UQCC6: variants seen among roughly 807,000 people sequenced by gnomAD.
The protein encoded by UQCC6 is protein BRAWNIN.
chr12:103,956,857 G>A, the UQCC6 span: 11 of 676,622 alleles, frequency 1.6e-5, no homozygotes, highest in East Asian at 8.3e-5. Flanking sequence ...GGCGGCGGGG[G>A]TGCAGGAGGA....
At chr12:103,956,853 G>A in the UQCC6 span, 8 of 697,124 alleles carry the variant, frequency 1.1e-5, no homozygotes, top group South Asian at 3.5e-5. Flanking sequence ...ACACGGCGGC[G>A]GGGGTGCAGG....
At chr12:103,952,952 T>G in the UQCC6 span, among the ~76,000 whole-genome samples, 2 of 152,174 alleles carry the variant, frequency 1.3e-5, no homozygotes, top group South Asian at 4.2e-4. Flanking sequence ...AGGTTGTCAG[T>G]ATAGCTGGTA....
At chr12:103,953,370 C>T in the UQCC6 span, 19 of 702,010 alleles carry the variant, frequency 2.7e-5, no homozygotes, top group Non-Finnish European at 3.9e-5. Context: ...ACAGAGTCAT[C>T]TCCTTTGCTA....
the UQCC6 span, among the ~76,000 whole-genome samples, chr12:103,959,990 G>C: frequency 1.3e-5 from 2 of 151,560 alleles, no homozygotes; most frequent in African/African-American, 4.8e-5. Context: ...GTCCAGGCTG[G>C]TCACAAATTC....
At chr12:103,962,969 A>C in the UQCC6 span, among the ~76,000 whole-genome samples, 1 of 152,230 alleles carries the variant, frequency 6.6e-6, no homozygotes, top group South Asian at 2.1e-4. Flanking sequence ...CTACCTTTGA[A>C]GCTTAGTTGA....
At chr12:103,960,987 C>T in the UQCC6 span, among the ~76,000 whole-genome samples, 2 of 151,888 alleles carry the variant, frequency 1.3e-5, no homozygotes, top group Admixed American at 6.6e-5. Flanking sequence ...AAAACAGCCT[C>T]GGCCGGATCC....
chr12:103,959,440 C>A, the UQCC6 span, among the ~76,000 whole-genome samples: 29 of 152,248 alleles, frequency 1.9e-4, no homozygotes, highest in African/African-American at 6.5e-4. Context: ...AGGCCGGGTG[C>A]AGTGGCTCAT....
At chr12:103,950,631 G>A in the UQCC6 span, 1 of 152,192 alleles carries the variant, frequency 6.6e-6, no homozygotes, top group Non-Finnish European at 1.5e-5. Context: ...GCATTTCCAT[G>A]ACCACTACAA....
At chr12:103,957,454 G>A in the UQCC6 span, among the ~76,000 whole-genome samples, 1 of 151,964 alleles carries the variant, frequency 6.6e-6, no homozygotes, top group Non-Finnish European at 1.5e-5. Flanking sequence ...TTGTTCTTTC[G>A]TGCACACAAA....
chr12:103,958,301 G>C, the UQCC6 span, among the ~76,000 whole-genome samples: 1 of 151,396 alleles, frequency 6.6e-6, no homozygotes, highest in Non-Finnish European at 1.5e-5. Flanking sequence ...TATTTGTAAA[G>C]AGTCTTATGG....
the UQCC6 span, among the ~76,000 whole-genome samples, chr12:103,963,097 A>G: frequency 2.1e-5 from 3 of 142,756 alleles, no homozygotes; most frequent in Non-Finnish European, 3.0e-5. Flanking sequence ...TTTTTGAGAC[A>G]GGGAATCATT....
the UQCC6 span, among the ~76,000 whole-genome samples, chr12:103,958,326 T>C: frequency 6.6e-6 from 1 of 152,112 alleles, no homozygotes; most frequent in African/African-American, 2.4e-5. Context: ...ATATTTGACA[T>C]ACAATAAACT....
the UQCC6 span, chr12:103,955,059 A>G: frequency 3.0e-6 from 2 of 661,488 alleles, no homozygotes; most frequent in Non-Finnish European, 5.5e-6. Flanking sequence ...TCATGCCTGT[A>G]ACCCCAGCAC....
the UQCC6 span, among the ~76,000 whole-genome samples, chr12:103,961,420 C>T: frequency 1.3e-5 from 2 of 152,106 alleles, no homozygotes; most frequent in Admixed American, 6.5e-5. Context: ...TCTACAGTAG[C>T]GTACAGCAAT....
chr12:103,957,902 T>A, the UQCC6 span, among the ~76,000 whole-genome samples: 2 of 144,916 alleles, frequency 1.4e-5, no homozygotes, highest in African/African-American at 5.0e-5. Context: ...AATATATATA[T>A]ATAATATATA....
chr12:103,953,194 C>T, the UQCC6 span, among the ~76,000 whole-genome samples: 1 of 152,134 alleles, frequency 6.6e-6, no homozygotes, highest in African/African-American at 2.4e-5. Flanking sequence ...ATTACAATAA[C>T]AGGTGAAAGT....
At chr12:103,951,496 ATAT>A in the UQCC6 span, 11 of 1,240,804 alleles carry the variant, frequency 8.9e-6, no homozygotes, top group South Asian at 1.5e-4. Context: ...TTTAAGACTT[ATAT>A]TATTCACAGA....
the UQCC6 span, among the ~76,000 whole-genome samples, chr12:103,964,450 T>A: frequency 6.6e-6 from 1 of 152,132 alleles, no homozygotes; most frequent in Non-Finnish European, 1.5e-5. Flanking sequence ...CCATGCAAGA[T>A]TGGGCAGAGG....
the UQCC6 span, among the ~76,000 whole-genome samples, chr12:103,958,840 T>C: frequency 6.6e-6 from 1 of 152,244 alleles, no homozygotes; most frequent in Admixed American, 6.5e-5. Context: ...TCAGATTATA[T>C]ATTAACTCAC....
Sources: gnomAD v4.1 joint callset for allele counts (sites outside exome capture counted in the v4.1 genomes callset) on GRCh38, gnomAD v4.1.1 for gene constraint, MANE v1.5 for transcripts, NCBI Gene and HGNC (gene_info 2026-07-23, HGNC 2026-07-21) for gene names.